DGKI: variants seen among roughly 807,000 people sequenced by gnomAD.
The protein encoded by DGKI is DAG kinase iota.
Under a neutral mutation model 147.5 loss-of-function variants are expected in DGKI, and 55 were observed. That is an observed-to-expected ratio of 0.37 (90% CI 0.30 to 0.47). The LOEUF is 0.47. Among genes scored for constraint, DGKI ranks in the 20% least tolerant of loss-of-function variants. The pLI, the probability that DGKI is intolerant of heterozygous loss-of-function variation, is 1.00. For missense variants in DGKI, 1,007 were observed against 1,323.8 expected (o/e 0.76, Z 3.71); for synonymous variants, 469 against 477.1 (o/e 0.98, Z 0.22).
chr7:137,441,248 G>A (rs137869411), intron 28 of DGKI, among the ~76,000 whole-genome samples: 1,652 of 151,642 alleles, frequency 0.011, 34 homozygotes, highest in African/African-American at 0.038. Flanking sequence ...GTGAAACCCC[G>A]TCTCTACTAA....
At chr7:137,660,541 C>T (rs749816247) in intron 3 of DGKI, among the ~76,000 whole-genome samples, 2 of 152,148 alleles carry the variant, frequency 1.3e-5, no homozygotes, top group Non-Finnish European at 2.9e-5. Flanking sequence ...ACCACTGGAG[C>T]AGGGAATGGG....
At chr7:137,811,526 T>C (rs1294962526) in intron 1 of DGKI, among the ~76,000 whole-genome samples, 1 of 152,092 alleles carries the variant, frequency 6.6e-6, no homozygotes, top group Non-Finnish European at 1.5e-5. Context: ...TTACTAGCAT[T>C]TTTCAAAGCC....
intron 1 of DGKI, among the ~76,000 whole-genome samples, chr7:137,827,782 A>C (rs182436382): frequency 4.1e-4 from 62 of 152,354 alleles, no homozygotes; most frequent in Non-Finnish European, 7.2e-4. Flanking sequence ...CATTCCTTCA[A>C]ATATTCAAAT....
chr7:137,423,621 T>C (rs1447162886), intron 28 of DGKI, among the ~76,000 whole-genome samples: 1 of 152,212 alleles, frequency 6.6e-6, no homozygotes, highest in Non-Finnish European at 1.5e-5. Flanking sequence ...TTACATTTCT[T>C]CTCAGTGACT....
intron 21 of DGKI, among the ~76,000 whole-genome samples, chr7:137,500,724 C>A (rs760413342): frequency 6.6e-6 from 1 of 151,976 alleles, no homozygotes; most frequent in Non-Finnish European, 1.5e-5. Context: ...AGAGTTGTTT[C>A]TTAAGTTAAT....
chr7:137,831,463 G>T (rs1012201741), intron 1 of DGKI, among the ~76,000 whole-genome samples: 1 of 152,134 alleles, frequency 6.6e-6, no homozygotes, highest in Non-Finnish European at 1.5e-5. Flanking sequence ...ATGGTAGCAC[G>T]CAAAGAGAGA....
chr7:137,603,906 G>A (rs910637431), intron 10 of DGKI, among the ~76,000 whole-genome samples: 9 of 152,156 alleles, frequency 5.9e-5, no homozygotes, highest in African/African-American at 2.2e-4. Context: ...AATAATGTAT[G>A]CTGAGAGGCT....
At chr7:137,672,239 A>T (rs73454835) in intron 3 of DGKI, among the ~76,000 whole-genome samples, 6,844 of 152,250 alleles carry the variant, frequency 0.045, 516 homozygotes, top group African/African-American at 0.16. Flanking sequence ...AGGTAACTCG[A>T]CTTATAGAAT....
intron 1 of DGKI, among the ~76,000 whole-genome samples, chr7:137,811,854 G>T (rs1797595616): frequency 6.6e-6 from 1 of 151,294 alleles, no homozygotes; most frequent in Non-Finnish European, 1.5e-5. Flanking sequence ...GACTCTTGAA[G>T]TATATAACTT....
chr7:137,833,027 T>C (rs1035545380), intron 1 of DGKI, among the ~76,000 whole-genome samples: 1 of 152,212 alleles, frequency 6.6e-6, no homozygotes, highest in African/African-American at 2.4e-5. Context: ...CTGGATCTTA[T>C]TGTTCATGCC....
chr7:137,514,774 T>G (rs534927375), intron 21 of DGKI, among the ~76,000 whole-genome samples: 1 of 152,336 alleles, frequency 6.6e-6, no homozygotes, highest in East Asian at 1.9e-4. Context: ...TCTACTACTT[T>G]AACTCTCTCA....
intron 27 of DGKI, among the ~76,000 whole-genome samples, chr7:137,459,536 ACGGT>A (rs1292921664): frequency 1.2e-4 from 16 of 130,298 alleles, no homozygotes; most frequent in Admixed American, 5.8e-4. Context: ...GTGCAGTGGC[ACGGT>A]CTTGGCTCAC....
At chr7:137,661,101 A>G (rs1822410704) in intron 3 of DGKI, among the ~76,000 whole-genome samples, 2 of 152,186 alleles carry the variant, frequency 1.3e-5, no homozygotes, top group South Asian at 4.1e-4. Context: ...TTCTTCTTGC[A>G]GTGGGGCCAA....
intron 1 of DGKI, among the ~76,000 whole-genome samples, chr7:137,809,703 A>T (rs1405305791): frequency 2.0e-5 from 3 of 152,186 alleles, no homozygotes; most frequent in Admixed American, 1.3e-4. Flanking sequence ...GCTCAGTTCA[A>T]GACCAGCCTG....
Position 137,508,847 on chromosome 7 carries a change from A to G in DGKI, c.2248+13019T>C, listed in dbSNP as rs1420740122. Among the ~76,000 whole-genome samples, 3 of 152,132 alleles carry G rather than the reference A, an allele frequency of 2.0e-5. No individual in the cohort carries two copies. The East Asian group carries it at 5.8e-4, about 29-fold the overall frequency. ...AGAAAAATCAAGAGAAAGGGAAAAG[A>G]AAAAGAAACTGTTCTGAGTTTGCTA... On this transcript the variant is annotated intron_variant, in intron 21 of 32. Transcript: ENST00000614521.
At chr7:137,454,160 G>A (rs940900752) in intron 27 of DGKI, among the ~76,000 whole-genome samples, 4 of 152,126 alleles carry the variant, frequency 2.6e-5, no homozygotes, top group African/African-American at 7.2e-5. Context: ...ACTGTGTGAT[G>A]TAATGCATTC....
At chr7:137,660,007 A>T (rs1822368312) in intron 3 of DGKI, among the ~76,000 whole-genome samples, 1 of 152,238 alleles carries the variant, frequency 6.6e-6, no homozygotes, top group Admixed American at 6.5e-5. Context: ...TAGCACAAAA[A>T]CATAATTTAA....
At position 137,381,301 on chromosome 7, in the gene DGKI, C is replaced by A. The variant is rs1388322293; in HGVS notation, c.*9919G>T. The A allele has an allele frequency of 1.7e-5, 2 of 116,942 alleles. No homozygotes were observed. The highest frequency in any genetic ancestry group is 1.7e-5 in the Non-Finnish European group (1 of 57,156). 7.2% of individuals were successfully genotyped at this position (116,942 alleles called of 1,614,324 possible). On this transcript the variant is annotated 3_prime_UTR_variant, in exon 33 of 33. Transcript: ENST00000614521. ...CTTTCCCATCCCACCCCCCCCCCCC[C>A]ACCCACCCTCCCTCCACTTCGTATT...
chr7:137,580,740 T>C (rs1003729723), intron 15 of DGKI, among the ~76,000 whole-genome samples: 9 of 152,156 alleles, frequency 5.9e-5, no homozygotes, highest in African/African-American at 2.2e-4. Context: ...AGTGCATAAG[T>C]GCATGATCAG....
Sources: allele counts gnomAD v4.1 joint callset (sites outside exome capture counted in the v4.1 genomes callset), GRCh38; gene constraint gnomAD v4.1.1; transcripts MANE v1.5; gene names NCBI Gene and HGNC (gene_info 2026-07-23, HGNC 2026-07-21).